Variants in FAF1 observed in about 807,000 individuals in gnomAD.
The protein encoded by FAF1 is Fas associated factor 1.
A neutral mutation model predicts 92.5 loss-of-function variants in FAF1; 25 were observed. The observed-to-expected ratio is 0.27, with a 90% CI of 0.20 to 0.38. The LOEUF (loss-of-function observed/expected upper bound fraction) is 0.38. Ranked by LOEUF, FAF1 falls within the 10% of genes least tolerant of loss-of-function variation. The pLI, the probability that FAF1 is intolerant of heterozygous loss-of-function variation, is 1.00. For missense variants in FAF1, 636 were observed against 793.3 expected, an observed-to-expected ratio of 0.80 and a Z score of 2.38; for synonymous variants, 234 against 273.2, an observed-to-expected ratio of 0.86 and a Z score of 1.42.
intron 15 of FAF1, among the ~76,000 whole-genome samples, chr1:50,530,444 C>T (rs547634375): frequency 6.8e-6 from 1 of 147,388 alleles, no homozygotes; most frequent in South Asian, 2.1e-4. Context: ...TTAAAGAAAA[C>T]AGCAATAACT....
At chr1:50,457,724 C>CAAAAAAAAAAAAAAAAAAAAAAA (rs35479561) in intron 18 of FAF1, among the ~76,000 whole-genome samples, 69 of 56,548 alleles carry the variant, frequency 1.2e-3, no homozygotes, top group African/African-American at 4.2e-3. Flanking sequence ...CCCATCTCTG[C>CAAAAAAAAAAAAAAAAAAAAAAA]AAAAAAAAAA....
At position 50,441,336 on chromosome 1, in the gene FAF1, T is replaced by G. The variant is rs1215298929; in HGVS notation, c.*104A>C. The G allele has an allele frequency of 1.7e-6, 1 of 599,682 alleles. No homozygotes were observed. The highest frequency in any genetic ancestry group is 2.9e-6 in the Non-Finnish European group (1 of 346,186). 37.1% of individuals were successfully genotyped at this position (599,682 alleles called of 1,614,324 possible). On this transcript the variant is annotated 3_prime_UTR_variant, in exon 19 of 19. Coordinates refer to ENST00000396153, the MANE Select transcript of FAF1 (RefSeq NM_007051.3). Reference sequence around the variant, plus strand: ...TTTGCAAGAGGCAGAAGTGTGACATTGAATTGAGTGAGACGAGCGTGTGGG... The same window carrying G: ...TTTGCAAGAGGCAGAAGTGTGACATGGAATTGAGTGAGACGAGCGTGTGGG...
intron 2 of FAF1, among the ~76,000 whole-genome samples, chr1:50,844,531 A>C (rs915152315): frequency 6.6e-6 from 1 of 151,074 alleles, no homozygotes; most frequent in Non-Finnish European, 1.5e-5. Flanking sequence ...TAAGTGTTAA[A>C]ACTGTTTGTC....
chr1:50,954,965 G>A (rs1645253387), intron 1 of FAF1, among the ~76,000 whole-genome samples: 1 of 152,188 alleles, frequency 6.6e-6, no homozygotes, highest in African/African-American at 2.4e-5. Flanking sequence ...TCACTCCATT[G>A]CACTCCAGCC....
At chr1:50,617,699 T>TG (rs1053966768) in intron 8 of FAF1, among the ~76,000 whole-genome samples, 2 of 151,390 alleles carry the variant, frequency 1.3e-5, no homozygotes, top group Non-Finnish European at 2.9e-5. Context: ...TTCTGTTTTT[T>TG]TTTTTTTTTT....
intron 6 of FAF1, among the ~76,000 whole-genome samples, chr1:50,724,300 C>T (rs1004152188): frequency 3.7e-4 from 49 of 131,592 alleles, no homozygotes; most frequent in African/African-American, 1.4e-3. Flanking sequence ...CACACATACA[C>T]ACACACACAC....
chr1:50,921,537 A>G (rs1385327664), intron 1 of FAF1, among the ~76,000 whole-genome samples: 2 of 151,974 alleles, frequency 1.3e-5, no homozygotes, highest in African/African-American at 2.4e-5. Flanking sequence ...CAACAAGCGC[A>G]GATCATTTGA....
intron 13 of FAF1, among the ~76,000 whole-genome samples, chr1:50,542,788 G>T (rs1046058866): frequency 6.6e-6 from 1 of 152,102 alleles, no homozygotes; most frequent in Admixed American, 6.6e-5. Flanking sequence ...TTGAGGAGGG[G>T]ACTAACGAGT....
intron 7 of FAF1, among the ~76,000 whole-genome samples, chr1:50,685,128 T>C (rs1026452635): frequency 6.6e-6 from 1 of 152,152 alleles, no homozygotes; most frequent in African/African-American, 2.4e-5. Context: ...GGGGTAAGGC[T>C]GAGGGAGAAG....
chr1:50,571,908 C>T (rs982150299), intron 12 of FAF1, among the ~76,000 whole-genome samples: 5 of 152,106 alleles, frequency 3.3e-5, no homozygotes, highest in African/African-American at 1.2e-4. Flanking sequence ...ATTTTGAGTA[C>T]CAGAATATCC....
intron 8 of FAF1, among the ~76,000 whole-genome samples, chr1:50,608,562 T>C (rs938513384): frequency 6.6e-6 from 1 of 152,122 alleles, no homozygotes; most frequent in Non-Finnish European, 1.5e-5. Context: ...CTTCAATGAG[T>C]ACAACGGATG....
chr1:50,883,294 T>C (rs964636911), intron 1 of FAF1, among the ~76,000 whole-genome samples: 2 of 152,200 alleles, frequency 1.3e-5, no homozygotes, highest in Admixed American at 6.5e-5. Flanking sequence ...TCCATGTTGA[T>C]TCTTTTAAAA....
intron 18 of FAF1, among the ~76,000 whole-genome samples, chr1:50,473,455 C>T (rs139166904): frequency 7.2e-5 from 11 of 152,224 alleles, no homozygotes; most frequent in Admixed American, 6.5e-4. Flanking sequence ...GCAAACTTAG[C>T]TCCTAAGTTT....
chr1:50,949,316 A>G (rs1031391349), intron 1 of FAF1, among the ~76,000 whole-genome samples: 1 of 152,246 alleles, frequency 6.6e-6, no homozygotes, highest in African/African-American at 2.4e-5. Flanking sequence ...TTAAATCAGG[A>G]TTCTCCAATA....
chr1:50,566,978 G>A lies in FAF1; in HGVS notation c.1268+99C>T, dbSNP rs1391072563. ...GTCTAATGAAATGCAATGGTAGAGA[G>A]TTTAATGCTGAGGATGAAAAATGTT... On this transcript the variant is annotated intron_variant, in intron 13 of 18. Transcript: ENST00000396153. 2.2e-5 allele frequency: 20 copies of A among 914,060 alleles called. 1 individual carries two copies. Among genetic ancestry groups the A allele is most frequent in the Non-Finnish European group, 2.2e-5 (14 of 636,068 alleles). The allele number at this position is 914,060 out of a possible 1,614,324, so 56.6% of individuals were successfully genotyped here. A position where few individuals can be genotyped will look rare whatever the true frequency, so the allele number is the denominator to read the frequency against.
intron 15 of FAF1, among the ~76,000 whole-genome samples, chr1:50,513,332 A>C (rs1334313168): frequency 6.6e-6 from 1 of 152,138 alleles, no homozygotes; most frequent in Non-Finnish European, 1.5e-5. Context: ...AAAAATACAA[A>C]AATTAACCGG....
intron 1 of FAF1, among the ~76,000 whole-genome samples, chr1:50,913,005 A>G (rs1267058880): frequency 6.6e-6 from 1 of 152,240 alleles, no homozygotes; most frequent in Non-Finnish European, 1.5e-5. Context: ...TGGGGCATTC[A>G]AGCCTTAAAA....
intron 8 of FAF1, among the ~76,000 whole-genome samples, chr1:50,652,732 C>A (rs1472704301): frequency 6.6e-6 from 1 of 152,196 alleles, no homozygotes; most frequent in African/African-American, 2.4e-5. Flanking sequence ...ACTCACTCTG[C>A]CACACATAGG....
intron 18 of FAF1, among the ~76,000 whole-genome samples, chr1:50,471,954 A>G (rs1053211417): frequency 2.0e-5 from 3 of 152,122 alleles, no homozygotes; most frequent in Admixed American, 1.3e-4. Context: ...TAGGATTGGA[A>G]AAAAGGGAAG....
Sources: allele counts gnomAD v4.1 joint callset (sites outside exome capture counted in the v4.1 genomes callset), GRCh38; gene constraint gnomAD v4.1.1; transcripts MANE v1.5; gene names NCBI Gene and HGNC (gene_info 2026-07-23, HGNC 2026-07-21).